Variants in ADH4 observed in about 807,000 individuals in gnomAD.
ADH4 encodes the protein alcohol dehydrogenase 4 (class II), pi polypeptide.
ADH4 carries 31 observed loss-of-function variants against 35.2 expected under a neutral mutation model. The ratio of observed to expected loss-of-function variants is 0.88; its 90% CI spans 0.66 to 1.19. ADH4 has a LOEUF of 1.19. Among genes scored for constraint, ADH4 ranks in the 50% most tolerant of loss-of-function variants. The probability of loss-of-function intolerance (pLI) is 0.00; values close to 1 mark genes in which losing one functional copy is unlikely to be tolerated. For synonymous variants in ADH4, 171 were observed against 160.2 expected (o/e 1.07, Z -0.51); for missense variants, 476 against 458.3 (o/e 1.04, Z -0.35).
At chr4:99,140,140 A>C (rs1729564768) in intron 3 of ADH4, among the ~76,000 whole-genome samples, 1 of 152,046 alleles carries the variant, frequency 6.6e-6, no homozygotes, top group South Asian at 2.1e-4. Context: ...TTCCAAAAAA[A>C]CACTTCAGCT....
intron 1 of ADH4, chr4:99,143,028 G>A (rs960782059): frequency 1.8e-5 from 12 of 660,726 alleles, no homozygotes; most frequent in East Asian, 1.1e-4. Flanking sequence ...AAAAAAACAG[G>A]TGTATTAAAG....
At chr4:99,125,210 G>GC (rs1460979220) in intron 8 of ADH4, among the ~76,000 whole-genome samples, 1 of 152,138 alleles carries the variant, frequency 6.6e-6, no homozygotes, top group Non-Finnish European at 1.5e-5. Context: ...TGCTTCCTGT[G>GC]CCCATATGGT....
At chr4:99,141,323 A>T (rs1187793730) in intron 3 of ADH4, among the ~76,000 whole-genome samples, 1 of 152,228 alleles carries the variant, frequency 6.6e-6, no homozygotes, top group Non-Finnish European at 1.5e-5. Context: ...ATGTGTAAAT[A>T]AAGTGACCAC....
At position 99,124,319 on chromosome 4, in the gene ADH4, C is replaced by T. The variant is rs35490064; in HGVS notation, c.*123G>A. The T allele has an allele frequency of 1.9e-5, 13 of 677,260 alleles. 1 individual carries two copies. The East Asian group carries it at 3.9e-4, about 20-fold the overall frequency. The allele number at this position is 677,260 out of a possible 1,614,324, so 42.0% of individuals were successfully genotyped here. ...ATAATATTTAAAGCTCTTTTATGTTCCCATATTAAATGTAAATATTTGTTT... is the reference window on the plus strand; with the variant it reads ...ATAATATTTAAAGCTCTTTTATGTTTCCATATTAAATGTAAATATTTGTTT... On this transcript the variant is annotated 3_prime_UTR_variant, in exon 9 of 9. Transcript: ENST00000265512.
chr4:99,127,692 G>C (rs1307140856), intron 6 of ADH4, among the ~76,000 whole-genome samples: 1 of 151,868 alleles, frequency 6.6e-6, no homozygotes, highest in Non-Finnish European at 1.5e-5. Context: ...AGCTGGGTGT[G>C]GTTGTGCCTG....
At chr4:99,124,823 T>C (rs2851248) in intron 8 of ADH4, among the ~76,000 whole-genome samples, 119,974 of 152,012 alleles carry the variant, frequency 0.79, 48,022 homozygotes, top group East Asian at 1. Context: ...AGTTGAGCAT[T>C]GAAGGAGGGA....
chr4:99,141,586 C>G lies in ADH4; in HGVS notation c.217G>C (p.Gly73Arg), dbSNP rs1560781792. The change falls in exon 3 of 9, where the codon GGT (glycine) becomes CGT (arginine). Residue 73 changes from glycine (G) to arginine (R), a missense_variant. By Grantham distance (125) the Gly-to-Arg change is moderately radical. Coordinates refer to ENST00000265512, the MANE Select transcript of ADH4 (RefSeq NM_000670.5). ...FPVIVGHEAA[G>R]IVESIGPGVT... ...CCTGGCCCAATACTTTCCACAATAC[C>G]TGCAGCCTCATGGCCAACGATCACT... 3 of 1,614,124 alleles carry G rather than the reference C, an allele frequency of 1.9e-6. No homozygotes were observed. The South Asian group carries it at 3.3e-5, about 18-fold the overall frequency.
At chr4:99,127,166 A>G in intron 7 of ADH4, 43 bp downstream of exon 7, 1 of 1,515,446 alleles carries the variant, frequency 6.6e-7, no homozygotes. Flanking sequence ...TTTCAGAACT[A>G]CTAGGAAAAG....
At chr4:99,136,759 T>A in intron 4 of ADH4, 62 bp from the exon 5 acceptor site, 1 of 1,034,916 alleles carries the variant, frequency 9.7e-7, no homozygotes, top group Non-Finnish European at 1.4e-6. Context: ...GGAACACTGA[T>A]CATTTTCCTA....
At chr4:99,133,136 T>G (rs546208115) in intron 5 of ADH4, among the ~76,000 whole-genome samples, 4 of 152,134 alleles carry the variant, frequency 2.6e-5, no homozygotes, top group African/African-American at 9.7e-5. Context: ...AGTAGTTGGA[T>G]TCTCAGGCTA....
At chr4:99,142,171 A>C (rs1729645445) in intron 2 of ADH4, among the ~76,000 whole-genome samples, 1 of 152,102 alleles carries the variant, frequency 6.6e-6, no homozygotes, top group Non-Finnish European at 1.5e-5. Flanking sequence ...GCTTGGGAAA[A>C]ATGGGGAAAT....
At chr4:99,132,545 C>T (rs1292458138) in intron 5 of ADH4, among the ~76,000 whole-genome samples, 5 of 151,824 alleles carry the variant, frequency 3.3e-5, no homozygotes, top group Non-Finnish European at 7.4e-5. Flanking sequence ...TTTAAAAGAC[C>T]GTAAATTTTA....
chr4:99,142,387 A>G (rs1387990754), intron 2 of ADH4, among the ~76,000 whole-genome samples: 1 of 152,278 alleles, frequency 6.6e-6, no homozygotes, highest in Non-Finnish European at 1.5e-5. Flanking sequence ...GAAAGCAAAA[A>G]GAAAACCTAA....
chr4:99,131,182 C>T (rs1454811090), intron 6 of ADH4, among the ~76,000 whole-genome samples: 1 of 152,086 alleles, frequency 6.6e-6, no homozygotes, highest in African/African-American at 2.4e-5. Context: ...AAAATATTAT[C>T]TCCAGACAAA....
intron 5 of ADH4, among the ~76,000 whole-genome samples, chr4:99,134,390 A>ATATC (rs1314387449): frequency 6.6e-6 from 1 of 152,126 alleles, no homozygotes; most frequent in Non-Finnish European, 1.5e-5. Flanking sequence ...GTATATATAT[A>ATATC]TCAAAACGTT....
intron 8 of ADH4, 143 bp from the exon 9 acceptor site, chr4:99,124,609 C>T (rs544915535): frequency 2.8e-5 from 16 of 562,436 alleles, no homozygotes; most frequent in African/African-American, 4.0e-5. Context: ...TCTTTTATCC[C>T]GTCATCCTCT....
At chr4:99,139,396 A>G (rs1312170759) in intron 3 of ADH4, among the ~76,000 whole-genome samples, 1 of 152,216 alleles carries the variant, frequency 6.6e-6, no homozygotes, top group African/African-American at 2.4e-5. Flanking sequence ...CATCAGATAC[A>G]GAACTCTGGG....
At chr4:99,130,157 T>C (rs1342140684) in intron 6 of ADH4, among the ~76,000 whole-genome samples, 1 of 152,250 alleles carries the variant, frequency 6.6e-6, no homozygotes, top group Non-Finnish European at 1.5e-5. Context: ...ATGATTTATT[T>C]GGCTAAATAA....
rs372708357 is a variant in ADH4, at chr4:99,131,751, G to C, written c.596C>G (p.Ser199Trp). ...AINNAKVTPGSTCAVFGLGGV... is the reference protein window; with the variant it reads ...AINNAKVTPGWTCAVFGLGGV... Reference sequence around the variant, plus strand: ...TCCTAGGCCAAAGACAGCACAAGTCGAACCAGGGGTGACCTGCAAGCAGGA... The same window carrying C: ...TCCTAGGCCAAAGACAGCACAAGTCCAACCAGGGGTGACCTGCAAGCAGGA... Residue 199 changes from serine (S) to tryptophan (W), a missense_variant, in exon 6 of 9, where the codon TCG becomes TGG. Physicochemically the swap from Ser to Trp is radical, Grantham distance 177. Coordinates refer to ENST00000265512, the MANE Select transcript of ADH4 (RefSeq NM_000670.5). 2 of 1,612,840 alleles carry C rather than the reference G, an allele frequency of 1.2e-6. No individual in the cohort carries two copies. The highest frequency in any genetic ancestry group is 1.7e-6 in the Non-Finnish European group (2 of 1,179,542).
Sources: allele counts gnomAD v4.1 joint callset (sites outside exome capture counted in the v4.1 genomes callset), GRCh38; gene constraint gnomAD v4.1.1; transcripts MANE v1.5; gene names NCBI Gene and HGNC (gene_info 2026-07-23, HGNC 2026-07-21).